The following STX8 variants were observed in gnomAD, a reference collection of about 807,000 sequenced individuals.
STX8 encodes syntaxin 8.
A neutral mutation model predicts 37.5 loss-of-function variants in STX8; 23 were observed. The ratio of observed to expected loss-of-function variants is 0.61; its 90% CI spans 0.44 to 0.87. STX8 has a LOEUF of 0.87. STX8 is among the 40% of genes least tolerant of loss of function. The pLI, the probability that STX8 is intolerant of heterozygous loss-of-function variation, is 0.00. For missense variants in STX8, 313 were observed against 284.7 expected, an observed-to-expected ratio of 1.10 and a Z score of -0.71; for synonymous variants, 115 against 99.1, an observed-to-expected ratio of 1.16 and a Z score of -0.95.
intron 6 of STX8, among the ~76,000 whole-genome samples, chr17:9,397,164 G>C (rs373375498): frequency 6.6e-6 from 1 of 152,218 alleles, no homozygotes; most frequent in African/African-American, 2.4e-5. Context: ...TTGGGAGGCC[G>C]AGGCAGGCAG....
chr17:9,423,316 G>A (rs917943596), intron 6 of STX8, among the ~76,000 whole-genome samples: 4 of 152,130 alleles, frequency 2.6e-5, no homozygotes, highest in South Asian at 4.2e-4. Flanking sequence ...TCTAATAAAC[G>A]TTATTTTTTG....
chr17:9,419,451 G>A (rs559720699), intron 6 of STX8, among the ~76,000 whole-genome samples: 5 of 152,162 alleles, frequency 3.3e-5, no homozygotes, highest in African/African-American at 9.7e-5. Flanking sequence ...TTTTAACAAG[G>A]TGTGTTTTGG....
At chr17:9,259,582 G>A (rs914793283) in intron 7 of STX8, among the ~76,000 whole-genome samples, 1 of 152,222 alleles carries the variant, frequency 6.6e-6, no homozygotes, top group Non-Finnish European at 1.5e-5. Context: ...GGCAGCCTCT[G>A]TGTCAGTTAT....
chr17:9,271,726 G>C (rs1439746838), intron 7 of STX8, among the ~76,000 whole-genome samples: 1 of 144,776 alleles, frequency 6.9e-6, no homozygotes, highest in Non-Finnish European at 1.5e-5. Flanking sequence ...CTCCAGCCTG[G>C]CTATAGAGCA....
At chr17:9,370,160 A>G (rs980246551) in intron 7 of STX8, among the ~76,000 whole-genome samples, 4 of 151,910 alleles carry the variant, frequency 2.6e-5, no homozygotes, top group African/African-American at 9.7e-5. Context: ...GGTTGCAGTG[A>G]GCCGAGATCA....
chr17:9,397,569 A>T (rs1202901605), intron 6 of STX8, among the ~76,000 whole-genome samples: 1 of 152,232 alleles, frequency 6.6e-6, no homozygotes, highest in African/African-American at 2.4e-5. Flanking sequence ...GGAGTACAGA[A>T]GCCAACTGGA....
At chr17:9,434,267 T>G (rs1056580159) in intron 6 of STX8, among the ~76,000 whole-genome samples, 1 of 152,240 alleles carries the variant, frequency 6.6e-6, no homozygotes, top group Non-Finnish European at 1.5e-5. Flanking sequence ...CCTCCCAAAG[T>G]GCTGGGATTA....
intron 4 of STX8, among the ~76,000 whole-genome samples, chr17:9,530,369 G>GTTCCATTTCAGCAAATACAGTT (rs1231657373): frequency 6.6e-6 from 1 of 151,332 alleles, no homozygotes; most frequent in East Asian, 1.9e-4. Context: ...CTTTTGTATA[G>GTTCCATTTCAGCAAATACAGTT]TTCCATTTCA....
At chr17:9,387,421 G>A (rs1016173756) in intron 6 of STX8, among the ~76,000 whole-genome samples, 3 of 152,114 alleles carry the variant, frequency 2.0e-5, no homozygotes, top group South Asian at 2.1e-4. Flanking sequence ...TCAGCCTCCC[G>A]AGTAATGGGA....
chr17:9,349,316 CTTTTTTTTTT>C (rs61627405), intron 7 of STX8, among the ~76,000 whole-genome samples: 3 of 109,798 alleles, frequency 2.7e-5, no homozygotes, highest in South Asian at 2.9e-4. Context: ...ATTTTCTTTT[CTTTTTTTTTT>C]TTTTTTTTTT....
At chr17:9,453,224 G>C (rs181732536) in intron 6 of STX8, among the ~76,000 whole-genome samples, 2 of 152,182 alleles carry the variant, frequency 1.3e-5, no homozygotes, top group East Asian at 3.9e-4. Flanking sequence ...TGGTTCATAG[G>C]GTAGGTTCAT....
rs9911743 is a variant in STX8, at chr17:9,557,663, A to G, written c.118-135T>C. On this transcript the variant is annotated intron_variant, in intron 2 of 7. Coordinates refer to ENST00000306357, the MANE Select transcript of STX8 (RefSeq NM_004853.3). ...GGAAGAGATAGATACTCAGCCCCTCACGACAAACTCAGGGCTGGAAGGAGG... is the reference window on the plus strand; with the variant it reads ...GGAAGAGATAGATACTCAGCCCCTCGCGACAAACTCAGGGCTGGAAGGAGG... 0.01 allele frequency: 7,474 copies of G among 724,934 alleles called. 425 individuals carry two copies. The African/African-American group carries it at 0.12, about 11-fold the overall frequency. 44.9% of individuals were successfully genotyped at this position (724,934 alleles called of 1,614,324 possible).
At chr17:9,252,123 G>A (rs1906604856) in intron 7 of STX8, among the ~76,000 whole-genome samples, 1 of 151,576 alleles carries the variant, frequency 6.6e-6, no homozygotes, top group Non-Finnish European at 1.5e-5. Context: ...TGGCTAACAT[G>A]GTGAAACCCC....
At chr17:9,297,241 CAAA>C (rs112089232) in intron 7 of STX8, among the ~76,000 whole-genome samples, 22,883 of 90,772 alleles carry the variant, frequency 0.25, 2,079 homozygotes, top group Middle Eastern at 0.33. Context: ...CCAGAGTTTG[CAAA>C]AAAAAAAAAA....
intron 6 of STX8, among the ~76,000 whole-genome samples, chr17:9,416,688 GGAT>G (rs1321738262): frequency 6.6e-6 from 1 of 152,062 alleles, no homozygotes; most frequent in African/African-American, 2.4e-5. Context: ...TTTTAAGCCA[GGAT>G]AATAGTTATT....
At chr17:9,520,888 A>C (rs1000404390) in intron 4 of STX8, among the ~76,000 whole-genome samples, 4 of 152,234 alleles carry the variant, frequency 2.6e-5, no homozygotes, top group Non-Finnish European at 4.4e-5. Flanking sequence ...TTGTCTGGAA[A>C]AAATATCAGT....
chr17:9,520,733 G>C (rs1380581027), intron 4 of STX8, among the ~76,000 whole-genome samples: 1 of 152,210 alleles, frequency 6.6e-6, no homozygotes, highest in East Asian at 1.9e-4. Flanking sequence ...GACAAATGAA[G>C]TTGAAGCTTG....
rs1193328093 is a variant in STX8, at chr17:9,278,176, A to ACG, written c.644-27532_644-27531insCG. ...TGAAACATACTTTAGGGCCGGATGC[A>ACG]GTGGCTTACGCCTGTAATCCCAGCA... is the stretch of plus-strand genomic sequence containing the variant. On this transcript the variant is annotated intron_variant, in intron 7 of 7. Transcript: ENST00000306357. Among the ~76,000 whole-genome samples, 64 of 152,304 alleles carry ACG rather than the reference A, an allele frequency of 4.2e-4. 1 individual carries two copies. The South Asian group carries it at 0.013, about 31-fold the overall frequency.
At chr17:9,339,070 C>CAA (rs34987749) in intron 7 of STX8, among the ~76,000 whole-genome samples, 10,611 of 69,774 alleles carry the variant, frequency 0.15, 594 homozygotes, top group Middle Eastern at 0.2. Flanking sequence ...GACTCCGTCT[C>CAA]AAAAAAAAAA....
Sources: allele counts gnomAD v4.1 joint callset (sites outside exome capture counted in the v4.1 genomes callset), GRCh38; gene constraint gnomAD v4.1.1; transcripts MANE v1.5; gene names NCBI Gene and HGNC (gene_info 2026-07-23, HGNC 2026-07-21).